Variants in ZNF385D observed in about 807,000 individuals in gnomAD.
The protein encoded by ZNF385D is zinc finger protein 385D, also known as zinc finger protein 659.
ZNF385D carries 15 observed loss-of-function variants against 35.8 expected under a neutral mutation model. That is an observed-to-expected ratio of 0.42 (90% confidence interval 0.28 to 0.64). The LOEUF (loss-of-function observed/expected upper bound fraction) is 0.64, where lower values mean the gene tolerates loss of function less well. Ranked by LOEUF, ZNF385D falls within the 30% of genes least tolerant of loss-of-function variation. The pLI is 0.23. For synonymous variants in ZNF385D, 212 were observed against 186.8 expected (o/e 1.13, Z -1.10); for missense variants, 474 against 494.6 (o/e 0.96, Z 0.39).
chr3:21,421,047 C>A lies in ZNF385D; in HGVS notation c.*167G>T. ...AGAAAATACCACTCCCTCCCTCCCA[C>A]CCCCAAACCTCCCCCACTTTTTTAT... On this transcript the variant is annotated 3_prime_UTR_variant, in exon 8 of 8. Transcript: ENST00000281523. The A allele has an allele frequency of 1.1e-5, 3 of 282,560 alleles. No homozygotes were observed. The highest frequency in any genetic ancestry group is 3.4e-5 in the South Asian group (1 of 29,604). 17.5% of individuals were successfully genotyped at this position (282,560 alleles called of 1,614,324 possible).
chr3:22,321,006 CAT>C (rs1403499122), intron 2 of ZNF385D, among the ~76,000 whole-genome samples: 2 of 151,798 alleles, frequency 1.3e-5, no homozygotes, highest in Admixed American at 6.6e-5. Context: ...TGCGGAAAAA[CAT>C]AATAAATCCT....
intron 3 of ZNF385D, among the ~76,000 whole-genome samples, chr3:21,775,372 A>C (rs1274924393): frequency 2.6e-5 from 4 of 151,876 alleles, no homozygotes; most frequent in African/African-American, 9.7e-5. Context: ...AGTTATGACC[A>C]GTGAGGAATT....
At chr3:21,713,080 GA>G (rs1313215396) in intron 1 of ZNF385D, among the ~76,000 whole-genome samples, 1 of 152,192 alleles carries the variant, frequency 6.6e-6, no homozygotes, top group African/African-American at 2.4e-5. Context: ...CACTGATGAA[GA>G]AGGCCAAGAG....
intron 3 of ZNF385D, among the ~76,000 whole-genome samples, chr3:21,858,054 C>G (rs57934088): frequency 2.0e-5 from 3 of 149,656 alleles, no homozygotes; most frequent in African/African-American, 4.9e-5. Flanking sequence ...TCCAGCTACT[C>G]GGGAGGCTGA....
chr3:22,179,775 A>G (rs963834209), intron 2 of ZNF385D, among the ~76,000 whole-genome samples: 3 of 152,214 alleles, frequency 2.0e-5, no homozygotes, highest in African/African-American at 7.2e-5. Context: ...TCTCTGGGAC[A>G]CATTTAAAGC....
At chr3:22,110,639 G>A (rs1281631048) in intron 3 of ZNF385D, among the ~76,000 whole-genome samples, 4 of 151,966 alleles carry the variant, frequency 2.6e-5, no homozygotes, top group Admixed American at 2.0e-4. Context: ...GGCCTGTTGT[G>A]GGGTGGGGGG....
At chr3:21,817,723 G>A (rs1160162887) in intron 3 of ZNF385D, among the ~76,000 whole-genome samples, 1 of 152,168 alleles carries the variant, frequency 6.6e-6, no homozygotes, top group Non-Finnish European at 1.5e-5. Flanking sequence ...TTACACTGTT[G>A]GTGGGACTGT....
chr3:22,351,320 T>A (rs1695906329), intron 2 of ZNF385D, among the ~76,000 whole-genome samples: 1 of 152,062 alleles, frequency 6.6e-6, no homozygotes, highest in Non-Finnish European at 1.5e-5. Context: ...TATCTACCTG[T>A]TTTTTCTCCT....
At chr3:22,096,398 G>C (rs950801698) in intron 3 of ZNF385D, among the ~76,000 whole-genome samples, 4 of 151,600 alleles carry the variant, frequency 2.6e-5, no homozygotes, top group African/African-American at 9.7e-5. Context: ...GTTTAAATAG[G>C]GCTTCTTGAA....
At chr3:21,911,063 G>A (rs1472512842) in intron 3 of ZNF385D, among the ~76,000 whole-genome samples, 1 of 151,886 alleles carries the variant, frequency 6.6e-6, no homozygotes, top group East Asian at 1.9e-4. Flanking sequence ...TAGGGGGAAA[G>A]AGAATATCTA....
chr3:21,765,862 G>C (rs151016292), intron 3 of ZNF385D, among the ~76,000 whole-genome samples: 1 of 152,112 alleles, frequency 6.6e-6, no homozygotes, highest in East Asian at 1.9e-4. Context: ...TAATTATCTC[G>C]TGTTTTCCCT....
chr3:21,692,757 C>T (rs1365328391), intron 1 of ZNF385D, among the ~76,000 whole-genome samples: 2 of 152,184 alleles, frequency 1.3e-5, no homozygotes, highest in African/African-American at 4.8e-5. Flanking sequence ...TCTTCTGATA[C>T]ATTTTGTTCA....
At chr3:22,355,527 C>T (rs1228103078) in intron 2 of ZNF385D, among the ~76,000 whole-genome samples, 1 of 151,702 alleles carries the variant, frequency 6.6e-6, no homozygotes, top group East Asian at 1.9e-4. Flanking sequence ...TTTAAGAGAA[C>T]TAAAAAGCAA....
At chr3:22,308,595 T>C (rs534173942) in intron 2 of ZNF385D, among the ~76,000 whole-genome samples, 2 of 151,824 alleles carry the variant, frequency 1.3e-5, no homozygotes, top group Admixed American at 1.3e-4. Context: ...TCAGAAAGGG[T>C]AGACACACTG....
intron 1 of ZNF385D, among the ~76,000 whole-genome samples, chr3:21,675,535 T>A (rs552539646): frequency 3.9e-5 from 6 of 152,154 alleles, no homozygotes; most frequent in African/African-American, 1.4e-4. Flanking sequence ...GCTTCCAGAG[T>A]GTAAGTTCTT....
intron 3 of ZNF385D, among the ~76,000 whole-genome samples, chr3:21,787,792 G>C (rs1478787787): frequency 1.3e-5 from 2 of 151,940 alleles, no homozygotes; most frequent in Non-Finnish European, 2.9e-5. Context: ...GCAATGTTAG[G>C]GGAAGAAGAG....
intron 3 of ZNF385D, among the ~76,000 whole-genome samples, chr3:21,768,099 A>G (rs867368617): frequency 6.6e-6 from 1 of 152,218 alleles, no homozygotes; most frequent in Middle Eastern, 3.4e-3. Flanking sequence ...GAGATAACTT[A>G]GTGGGATAGA....
chr3:21,605,722 T>C (rs759870497), intron 2 of ZNF385D, among the ~76,000 whole-genome samples: 1 of 152,206 alleles, frequency 6.6e-6, no homozygotes, highest in Non-Finnish European at 1.5e-5. Context: ...ACATGAAGAT[T>C]AGTTGTTAAA....
At chr3:21,668,397 A>G (rs771824407) in intron 1 of ZNF385D, among the ~76,000 whole-genome samples, 19 of 152,152 alleles carry the variant, frequency 1.2e-4, no homozygotes, top group Non-Finnish European at 2.2e-4. Context: ...CTGTGACTAC[A>G]TCACAGTCCA....
Sources: allele counts gnomAD v4.1 joint callset (sites outside exome capture counted in the v4.1 genomes callset), GRCh38; gene constraint gnomAD v4.1.1; transcripts MANE v1.5; gene names NCBI Gene and HGNC (gene_info 2026-07-23, HGNC 2026-07-21).